The following STXBP4 variants were observed in gnomAD, a reference collection of about 807,000 sequenced individuals.
STXBP4 encodes the protein syntaxin binding protein 4.
A neutral mutation model predicts 76.1 loss-of-function variants in STXBP4; 55 were observed. The observed-to-expected ratio is 0.72, with a 90% CI of 0.58 to 0.91. The LOEUF is 0.91. Among genes scored for constraint, STXBP4 ranks in the 40% least tolerant of loss-of-function variants. STXBP4 has a pLI of 0.00. For missense variants in STXBP4, 618 were observed against 636.9 expected (o/e 0.97, Z 0.32); for synonymous variants, 201 against 220.2 (o/e 0.91, Z 0.77).
At chr17:55,075,899 C>G (rs1224772002) in intron 13 of STXBP4, among the ~76,000 whole-genome samples, 1 of 151,960 alleles carries the variant, frequency 6.6e-6, no homozygotes, top group Admixed American at 6.6e-5. Flanking sequence ...TTATTTCTAC[C>G]CATAAATGTT....
intron 16 of STXBP4, among the ~76,000 whole-genome samples, chr17:55,099,184 G>C (rs1040828542): frequency 3.3e-5 from 5 of 152,190 alleles, no homozygotes; most frequent in African/African-American, 1.2e-4. Flanking sequence ...ACTCGATTCA[G>C]CTTTTTTGGA....
At chr17:55,044,304 A>G (rs1178612983) in intron 11 of STXBP4, 1 of 151,956 alleles carries the variant, frequency 6.6e-6, no homozygotes, top group Admixed American at 6.6e-5. Flanking sequence ...ATAGGCACAT[A>G]TTTTTAAAAT....
chr17:55,142,183 G>A (rs1025475683), intron 17 of STXBP4, among the ~76,000 whole-genome samples: 1 of 152,182 alleles, frequency 6.6e-6, no homozygotes, highest in South Asian at 2.1e-4. Flanking sequence ...TTTCCTAGAT[G>A]CTGAACTGGT....
intron 8 of STXBP4, among the ~76,000 whole-genome samples, chr17:55,016,781 C>T (rs149749892): frequency 1.3e-5 from 2 of 152,166 alleles, no homozygotes; most frequent in African/African-American, 4.8e-5. Context: ...GTTAAATTAC[C>T]TTTTTCTAAC....
chr17:54,972,466 A>G (rs1188673733), intron 1 of STXBP4, among the ~76,000 whole-genome samples: 3 of 152,196 alleles, frequency 2.0e-5, no homozygotes. Flanking sequence ...GTTTACATCA[A>G]TATAGACTCA....
At chr17:55,038,933 C>G (rs1163126996) in intron 10 of STXBP4, among the ~76,000 whole-genome samples, 3 of 152,072 alleles carry the variant, frequency 2.0e-5, no homozygotes, top group Non-Finnish European at 4.4e-5. Flanking sequence ...TATGATAAAA[C>G]TGAGTAATGT....
chr17:55,093,050 A>T (rs2079438279), intron 16 of STXBP4, among the ~76,000 whole-genome samples: 1 of 151,924 alleles, frequency 6.6e-6, no homozygotes, highest in South Asian at 2.1e-4. Flanking sequence ...GCTGGAGTGC[A>T]GTGGCGCAAT....
intron 3 of STXBP4, among the ~76,000 whole-genome samples, chr17:54,987,524 T>C (rs1267897377): frequency 6.6e-6 from 1 of 152,202 alleles, no homozygotes; most frequent in African/African-American, 2.4e-5. Flanking sequence ...TGTTATAACT[T>C]GTTTTTGTTA....
At chr17:55,051,122 T>C (rs564262603) in intron 12 of STXBP4, among the ~76,000 whole-genome samples, 1 of 152,302 alleles carries the variant, frequency 6.6e-6, no homozygotes, top group Admixed American at 6.5e-5. Context: ...TAGATATGCA[T>C]GTTAAGATAC....
At position 55,000,873 on chromosome 17, in the gene STXBP4, G is replaced by T. The variant is rs1316935000; in HGVS notation, c.564G>T (p.Leu188Phe). 1 of 1,594,514 alleles carries T rather than the reference G, an allele frequency of 6.3e-7. No homozygotes were observed. The change falls in exon 7 of 18, where the codon TTG becomes TTT. Residue 188 changes from leucine (L) to phenylalanine (F), a missense_variant. Leu to Phe is a conservative substitution (Grantham distance 22). Coordinates refer to ENST00000376352, the MANE Select transcript of STXBP4 (RefSeq NM_178509.6). ...CTTCAGAAAACAGTACTGTGGGTTT[G>T]TCTAATACAGGTAAATACACATTTA... ...PITSENSTVGLSNTDVASAWT... is the reference protein window; with the variant it reads ...PITSENSTVGFSNTDVASAWT...
intron 13 of STXBP4, among the ~76,000 whole-genome samples, chr17:55,076,143 A>G (rs1291178383): frequency 6.6e-6 from 1 of 152,198 alleles, no homozygotes; most frequent in Non-Finnish European, 1.5e-5. Flanking sequence ...ACTCTATGGT[A>G]AAATGGACAC....
intron 16 of STXBP4, among the ~76,000 whole-genome samples, chr17:55,093,273 A>G (rs1351758636): frequency 6.6e-6 from 1 of 152,184 alleles, no homozygotes; most frequent in Non-Finnish European, 1.5e-5. Context: ...AATAGGCATG[A>G]GTCACCGCAC....
At chr17:55,004,261 C>A (rs1264933695) in intron 7 of STXBP4, among the ~76,000 whole-genome samples, 1 of 151,858 alleles carries the variant, frequency 6.6e-6, no homozygotes, top group Non-Finnish European at 1.5e-5. Flanking sequence ...AGCCTTAATT[C>A]CTTTAGACCA....
chr17:55,136,619 G>A (rs533514401), intron 16 of STXBP4, among the ~76,000 whole-genome samples: 176 of 152,114 alleles, frequency 1.2e-3, no homozygotes, highest in African/African-American at 3.8e-3. Flanking sequence ...TTGGTAGCTC[G>A]AAATAGGCAT....
chr17:54,970,324 G>C (rs2077375261), intron 1 of STXBP4, among the ~76,000 whole-genome samples: 1 of 152,210 alleles, frequency 6.6e-6, no homozygotes, highest in African/African-American at 2.4e-5. Flanking sequence ...TTACTTTGTG[G>C]AGAATGGATT....
At chr17:55,077,686 C>T (rs1327332672) in intron 13 of STXBP4, among the ~76,000 whole-genome samples, 3 of 134,004 alleles carry the variant, frequency 2.2e-5, no homozygotes, top group Admixed American at 1.5e-4. Context: ...TGTCTTACAT[C>T]GTGTGTGTGT....
intron 10 of STXBP4, among the ~76,000 whole-genome samples, chr17:55,038,165 A>AT (rs1036195245): frequency 6.6e-6 from 1 of 151,890 alleles, no homozygotes; most frequent in Admixed American, 6.6e-5. Flanking sequence ...TTCTTAATTT[A>AT]TTTTTTTAAA....
At chr17:54,975,331 ATGGGGCC>A (rs2077457184) in intron 1 of STXBP4, among the ~76,000 whole-genome samples, 1 of 152,118 alleles carries the variant, frequency 6.6e-6, no homozygotes, top group Non-Finnish European at 1.5e-5. Context: ...ATTATTTAAC[ATGGGGCC>A]TTGCATTTTC....
At chr17:55,034,953 C>T (rs2078572623) in intron 10 of STXBP4, among the ~76,000 whole-genome samples, 1 of 151,756 alleles carries the variant, frequency 6.6e-6, no homozygotes, top group Non-Finnish European at 1.5e-5. Context: ...TAGTTTTATC[C>T]TCTTAAGGAC....
Sources: gnomAD v4.1 joint callset for allele counts (sites outside exome capture counted in the v4.1 genomes callset) on GRCh38, gnomAD v4.1.1 for gene constraint, MANE v1.5 for transcripts, NCBI Gene and HGNC (gene_info 2026-07-23, HGNC 2026-07-21) for gene names.